The following CTTNBP2 variants were observed in gnomAD, a reference collection of about 807,000 sequenced individuals.
CTTNBP2 encodes the protein cortactin-binding protein 2.
Under a neutral mutation model 156.9 loss-of-function variants are expected in CTTNBP2, and 108 were observed. The ratio of observed to expected loss-of-function variants is 0.69; its 90% CI spans 0.59 to 0.81. The LOEUF (loss-of-function observed/expected upper bound fraction) is 0.81. Ranked by LOEUF, CTTNBP2 falls within the 30% of genes least tolerant of loss-of-function variation. The probability of loss-of-function intolerance (pLI) is 0.00; values close to 1 mark genes in which losing one functional copy is unlikely to be tolerated. For synonymous variants in CTTNBP2, 767 were observed against 751.8 expected (o/e 1.02, Z -0.33); for missense variants, 1,924 against 2,035.4 (o/e 0.95, Z 1.05).
At chr7:117,770,040 C>A (rs887681918) in intron 8 of CTTNBP2, among the ~76,000 whole-genome samples, 2 of 152,154 alleles carry the variant, frequency 1.3e-5, no homozygotes, top group Non-Finnish European at 2.9e-5. Flanking sequence ...ACTAAACTCC[C>A]AATATTTATT....
At position 117,777,956 on chromosome 7, in the gene CTTNBP2, C is replaced by G. The variant is rs77742979; in HGVS notation, c.2524-191G>C. ...TGACTCCTGTCAGTTAACAATATTT[C>G]CAACTGCTGTGACTCATGTTTGCTA... On this transcript the variant is annotated intron_variant, in intron 7 of 22. Transcript: ENST00000160373. Among the ~76,000 whole-genome samples, 740 of 152,268 alleles carry G rather than the reference C, an allele frequency of 4.9e-3. 6 individuals are homozygous for G. Among genetic ancestry groups the G allele is most frequent in the Non-Finnish European group, 8.2e-3 (555 of 68,020 alleles).
intron 8 of CTTNBP2, 83 bp from the exon 9 acceptor site, chr7:117,767,259 T>C (rs1044769117): frequency 6.4e-6 from 5 of 778,160 alleles, no homozygotes; most frequent in Non-Finnish European, 1.2e-5. Flanking sequence ...CAGTTGCCTA[T>C]AACAATCACA....
chr7:117,786,204 T>A (rs904113093), intron 4 of CTTNBP2, among the ~76,000 whole-genome samples: 1 of 152,208 alleles, frequency 6.6e-6, no homozygotes, highest in Non-Finnish European at 1.5e-5. Context: ...ATATTATATC[T>A]TTATAATCAA....
intron 4 of CTTNBP2, among the ~76,000 whole-genome samples, chr7:117,785,798 T>A (rs17140425): frequency 2.6e-5 from 4 of 152,192 alleles, no homozygotes; most frequent in African/African-American, 7.2e-5. Context: ...AATGGTCACA[T>A]GGGCTTTTGA....
chr7:117,861,057 T>A (rs1803700429), intron 2 of CTTNBP2, 152 bp downstream of exon 2: 1 of 602,394 alleles, frequency 1.7e-6, no homozygotes, highest in African/African-American at 1.9e-5. Flanking sequence ...ATAAAAGTTA[T>A]GGGTTAGTGT....
chr7:117,784,495 G>C, intron 4 of CTTNBP2, 41 bp from the exon 5 acceptor site: 2 of 1,417,912 alleles, frequency 1.4e-6, no homozygotes, highest in Non-Finnish European at 1.9e-6. Flanking sequence ...TAGGAGCAAG[G>C]ACAAGAGACA....
chr7:117,784,101 T>A, intron 5 of CTTNBP2, 150 bp downstream of exon 5: 3 of 552,984 alleles, frequency 5.4e-6, no homozygotes, highest in Admixed American at 7.4e-5. Flanking sequence ...TTATAAAAAC[T>A]TTAAATCTCA....
Position 117,784,401 on chromosome 7 carries a change from C to G in CTTNBP2, c.2122G>C (p.Ala708Pro), listed in dbSNP as rs904448958. The change falls in exon 5 of 23, where the codon GCT (alanine) becomes CCT (proline). Residue 708 changes from alanine (A) to proline (P), a missense_variant. By Grantham distance (27) the Ala-to-Pro change is conservative. Transcript: ENST00000160373. Reference sequence around the variant, plus strand: ...TGCTGAAGAAGGGTGGGCCTGCCAGCCAGGGGGGCAGGACCACCACTCATT... The same window carrying G: ...TGCTGAAGAAGGGTGGGCCTGCCAGGCAGGGGGGCAGGACCACCACTCATT... ...LLMSGGPAPLAGRPTLLQQAA... is the reference protein window; with the variant it reads ...LLMSGGPAPLPGRPTLLQQAA... The G allele has an allele frequency of 1.2e-6, 2 of 1,612,794 alleles. No individual in the cohort carries two copies. The highest frequency in any genetic ancestry group is 1.7e-6 in the Non-Finnish European group (2 of 1,179,602).
At chr7:117,786,868 A>T (rs996256787) in intron 4 of CTTNBP2, among the ~76,000 whole-genome samples, 22 of 151,542 alleles carry the variant, frequency 1.5e-4, no homozygotes, top group African/African-American at 4.8e-4. Context: ...CGAAAGACAA[A>T]TTTTTTTTTC....
At chr7:117,721,948 ATAT>A (rs1169456110) in intron 19 of CTTNBP2, among the ~76,000 whole-genome samples, 1 of 152,254 alleles carries the variant, frequency 6.6e-6, no homozygotes, top group East Asian at 1.9e-4. Context: ...AATTCTAAAA[ATAT>A]TAATGTTGTC....
At chr7:117,870,655 A>T (rs1244989741) in intron 1 of CTTNBP2, among the ~76,000 whole-genome samples, 1 of 152,236 alleles carries the variant, frequency 6.6e-6, no homozygotes. Context: ...CTTTGGTGAC[A>T]ATAAAAAGCA....
At chr7:117,852,705 C>A (rs1013000733) in intron 2 of CTTNBP2, among the ~76,000 whole-genome samples, 1 of 152,144 alleles carries the variant, frequency 6.6e-6, no homozygotes, top group African/African-American at 2.4e-5. Flanking sequence ...AAGGGAACAG[C>A]AAATGAATGA....
At chr7:117,748,980 C>T (rs1156330257) in intron 12 of CTTNBP2, among the ~76,000 whole-genome samples, 2 of 152,138 alleles carry the variant, frequency 1.3e-5, no homozygotes, top group African/African-American at 2.4e-5. Flanking sequence ...GGAAACAGGC[C>T]CTAACCAGAC....
At chr7:117,730,837 G>T (rs577020871) in intron 16 of CTTNBP2, among the ~76,000 whole-genome samples, 3 of 150,748 alleles carry the variant, frequency 2.0e-5, no homozygotes, top group African/African-American at 7.3e-5. Context: ...GGGACAGGGG[G>T]TATATTTTTA....
rs1157364758 is a variant in CTTNBP2 at position 117,777,623 on chromosome 7, C to T, written c.2666G>A (p.Gly889Glu). Residue 889 changes from glycine to glutamate, a missense_variant, in exon 8 of 23, where the codon GGA (glycine) becomes GAA (glutamate). Gly to Glu is a moderately conservative substitution (Grantham distance 98). Transcript: ENST00000160373. ...SESSVFDLDG[G>E]EESPEGISKP... The stretch of plus-strand genomic sequence containing the variant: ...GGATATGCCTTCAGGACTCTCTTCT[C>T]CTCCATCCAAGTCAAAGACACTTGA... The T allele has an allele frequency of 6.2e-7, 1 of 1,613,936 alleles. No homozygotes were observed. Among genetic ancestry groups the T allele is most frequent in the Admixed American group, 1.7e-5 (1 of 59,988 alleles).
At chr7:117,785,119 A>G (rs1426963956) in intron 4 of CTTNBP2, among the ~76,000 whole-genome samples, 1 of 152,204 alleles carries the variant, frequency 6.6e-6, no homozygotes, top group Non-Finnish European at 1.5e-5. Flanking sequence ...TCAATATACA[A>G]TTGTGAAGAC....
intron 20 of CTTNBP2, 120 bp downstream of exon 20, chr7:117,720,947 T>C (rs1038613440): frequency 4.0e-6 from 3 of 749,872 alleles, no homozygotes; most frequent in Non-Finnish European, 4.7e-6. Flanking sequence ...TATATAACTT[T>C]TTTAAAACCA....
intron 16 of CTTNBP2, among the ~76,000 whole-genome samples, chr7:117,730,849 C>T (rs1252689903): frequency 6.8e-6 from 1 of 146,286 alleles, no homozygotes; most frequent in Admixed American, 6.7e-5. Context: ...ATATTTTTAT[C>T]TTCATTAATA....
intron 2 of CTTNBP2, among the ~76,000 whole-genome samples, chr7:117,841,306 A>G (rs375070961): frequency 9.2e-5 from 14 of 152,230 alleles, no homozygotes; most frequent in African/African-American, 3.1e-4. Context: ...AAAAAGAAAT[A>G]ATGTTTACTA....
Sources: gnomAD v4.1 joint callset for allele counts (sites outside exome capture counted in the v4.1 genomes callset) on GRCh38, gnomAD v4.1.1 for gene constraint, MANE v1.5 for transcripts, NCBI Gene and HGNC (gene_info 2026-07-23, HGNC 2026-07-21) for gene names.